DCHS2: variants seen among roughly 807,000 people sequenced by gnomAD.
The protein encoded by DCHS2 is protocadherin-23.
In DCHS2, 142 loss-of-function variants were observed where a neutral mutation model predicts 182.4. The ratio of observed to expected loss-of-function variants is 0.78; its 90% confidence interval spans 0.68 to 0.89. DCHS2 has a LOEUF of 0.89. Ranked by LOEUF, DCHS2 falls within the 40% of genes least tolerant of loss-of-function variation. The probability of loss-of-function intolerance (pLI) is 0.00; values close to 1 mark genes in which losing one functional copy is unlikely to be tolerated. For synonymous variants in DCHS2, 1,740 were observed against 1,663.3 expected, an observed-to-expected ratio of 1.05 and a Z score of -1.12; for missense variants, 4,319 against 4,198.6, an observed-to-expected ratio of 1.03 and a Z score of -0.79.
chr4:154,276,600 G>C (rs1476202853), intron 13 of DCHS2, among the ~76,000 whole-genome samples: 1 of 152,078 alleles, frequency 6.6e-6, no homozygotes, highest in East Asian at 1.9e-4. Context: ...TCAAACATTT[G>C]GATGATTCTG....
intron 1 of DCHS2, among the ~76,000 whole-genome samples, chr4:154,431,671 T>C (rs1733565270): frequency 6.6e-6 from 1 of 152,202 alleles, no homozygotes; most frequent in African/African-American, 2.4e-5. Flanking sequence ...CGTTTCAGGA[T>C]TCTTGTCCCA....
intron 1 of DCHS2, among the ~76,000 whole-genome samples, chr4:154,459,095 A>G (rs907249410): frequency 6.6e-6 from 1 of 152,252 alleles, no homozygotes; most frequent in African/African-American, 2.4e-5. Flanking sequence ...AGAATTTTAA[A>G]GAACTATGAA....
chr4:154,431,424 A>G (rs1733554471), intron 1 of DCHS2, among the ~76,000 whole-genome samples: 1 of 152,054 alleles, frequency 6.6e-6, no homozygotes, highest in Admixed American at 6.6e-5. Flanking sequence ...TCTTTTTTAG[A>G]TACTTATATA....
chr4:154,425,678 ACAC>A (rs1733294557), intron 1 of DCHS2, among the ~76,000 whole-genome samples: 1 of 152,224 alleles, frequency 6.6e-6, no homozygotes, highest in Non-Finnish European at 1.5e-5. Flanking sequence ...CTAAGGCAAA[ACAC>A]ACAGCTCCGA....
intron 1 of DCHS2, among the ~76,000 whole-genome samples, chr4:154,454,900 T>C (rs915299185): frequency 6.6e-6 from 1 of 152,186 alleles, no homozygotes; most frequent in Non-Finnish European, 1.5e-5. Context: ...ATTTGAAAAG[T>C]GAAATACAGC....
At chr4:154,373,949 G>A in intron 2 of DCHS2, 3 of 1,594,372 alleles carry the variant, frequency 1.9e-6, no homozygotes, top group Non-Finnish European at 1.7e-6. Context: ...GTCATTCTCT[G>A]CTCATCCTGA....
At chr4:154,387,941 A>G (rs1007285510) in intron 1 of DCHS2, among the ~76,000 whole-genome samples, 5 of 152,076 alleles carry the variant, frequency 3.3e-5, no homozygotes, top group South Asian at 2.1e-4. Flanking sequence ...AAAATAAAAT[A>G]AAACTTTTGC....
intron 1 of DCHS2, among the ~76,000 whole-genome samples, chr4:154,395,594 G>C (rs750426989): frequency 1.4e-4 from 21 of 152,112 alleles, no homozygotes; most frequent in Non-Finnish European, 2.5e-4. Context: ...TGCCCAGTAG[G>C]GTTTTTGATT....
intron 17 of DCHS2, among the ~76,000 whole-genome samples, chr4:154,241,630 A>T (rs888860052): frequency 1.8e-4 from 28 of 152,022 alleles, no homozygotes; most frequent in African/African-American, 6.8e-4. Context: ...AAGCTTGAAC[A>T]CTCTCAATGT....
intron 1 of DCHS2, among the ~76,000 whole-genome samples, chr4:154,469,219 T>A (rs938161741): frequency 1.7e-5 from 2 of 119,094 alleles, no homozygotes; most frequent in Admixed American, 8.8e-5. Context: ...AGTGCAAACA[T>A]CTTCTCAATA....
chr4:154,482,486 TA>T (rs1366171976), intron 1 of DCHS2, among the ~76,000 whole-genome samples: 2 of 151,962 alleles, frequency 1.3e-5, no homozygotes, highest in Non-Finnish European at 2.9e-5. Context: ...CTTCTTTGAG[TA>T]GGAAAGACTT....
At chr4:154,445,674 G>A (rs955243386) in intron 1 of DCHS2, among the ~76,000 whole-genome samples, 2 of 152,070 alleles carry the variant, frequency 1.3e-5, no homozygotes, top group African/African-American at 4.8e-5. Flanking sequence ...AGCTGGCTGT[G>A]GTGTTGTGTA....
At chr4:154,360,750 A>G (rs1256942613) in intron 3 of DCHS2, among the ~76,000 whole-genome samples, 1 of 152,158 alleles carries the variant, frequency 6.6e-6, no homozygotes, top group African/African-American at 2.4e-5. Context: ...TGTTAAAATC[A>G]CACACCCCAT....
At chr4:154,301,401 G>A (rs557061299) in intron 12 of DCHS2, among the ~76,000 whole-genome samples, 1 of 152,308 alleles carries the variant, frequency 6.6e-6, no homozygotes, top group Non-Finnish European at 1.5e-5. Context: ...TTTTAAAAAG[G>A]TGAGCAAGGA....
At chr4:154,346,104 G>A (rs762125801) in intron 3 of DCHS2, among the ~76,000 whole-genome samples, 9 of 152,150 alleles carry the variant, frequency 5.9e-5, no homozygotes, top group Non-Finnish European at 1.0e-4. Flanking sequence ...CCACCATTAT[G>A]ACTTTATCTA....
At chr4:154,438,387 C>T (rs950261693) in intron 1 of DCHS2, among the ~76,000 whole-genome samples, 1 of 152,196 alleles carries the variant, frequency 6.6e-6, no homozygotes, top group African/African-American at 2.4e-5. Flanking sequence ...ATCTTCTTGT[C>T]TAATCATGAG....
chr4:154,388,293 T>G (rs531505508), intron 1 of DCHS2, among the ~76,000 whole-genome samples: 2 of 151,688 alleles, frequency 1.3e-5, no homozygotes, highest in African/African-American at 2.4e-5. Context: ...CACAATAAAA[T>G]GTCCAAAATA....
At chr4:154,400,288 G>T (rs1185918928) in intron 1 of DCHS2, among the ~76,000 whole-genome samples, 1 of 99,578 alleles carries the variant, frequency 1.0e-5, no homozygotes, top group Admixed American at 1.5e-4. Context: ...GGGCAACAGA[G>T]CGAGACTTCG....
chr4:154,366,332 TG>T lies in DCHS2; in HGVS notation c.2353del (p.Gln785SerfsTer46). On this transcript the variant is annotated frameshift_variant, in exon 3 of 20. Coordinates refer to ENST00000357232, the MANE Select transcript of DCHS2 (RefSeq NM_001358235.2). LOFTEE classifies it high-confidence loss of function. Reference sequence around the variant, plus strand: ...AACATTGATGATCTCGGTGCCTGGCTGGGTCTCATCACTGATGCTCGTCACA... The same window carrying T: ...AACATTGATGATCTCGGTGCCTGGCTGGTCTCATCACTGATGCTCGTCACA... The part of the protein sequence containing the change: ...TYVTSISDET[Q>X]PGTEIINVLA... The T allele has an allele frequency of 6.2e-7, 1 of 1,613,794 alleles. No homozygotes were observed. The highest frequency in any genetic ancestry group is 8.5e-7 in the Non-Finnish European group (1 of 1,179,862).
Sources: gnomAD v4.1 joint callset for allele counts (sites outside exome capture counted in the v4.1 genomes callset) on GRCh38, gnomAD v4.1.1 for gene constraint, MANE v1.5 for transcripts, NCBI Gene and HGNC (gene_info 2026-07-23, HGNC 2026-07-21) for gene names.